SPATA32: variants seen among roughly 807,000 people sequenced by gnomAD.
SPATA32 encodes the protein spermatogenesis associated 32, also known as spermatogenesis-associated protein 32.
SPATA32 carries 28 observed loss-of-function variants against 35.4 expected under a neutral mutation model. That is an observed-to-expected ratio of 0.79 (90% confidence interval 0.59 to 1.09). The LOEUF (loss-of-function observed/expected upper bound fraction) is 1.09. SPATA32 is among the 50% of genes least tolerant of loss of function. The pLI is 0.00. For missense variants in SPATA32, 409 were observed against 475.9 expected (o/e 0.86, Z 1.31); for synonymous variants, 168 against 196.3 (o/e 0.86, Z 1.20).
rs1015484515 is a variant in SPATA32 at position 45,255,801 on chromosome 17, C to G, written c.381G>C (p.Trp127Cys). Reference protein sequence around the residue: ...GLPTPQTFRPWSLNSNCRSFT... With the variant: ...GLPTPQTFRPCSLNSNCRSFT... ...AACTCCGGCAGTTTGAATTCAGACT[C>G]CACGGTCTGAAGGTCTGTGGCGTGG... Residue 127 changes from tryptophan to cysteine, a missense_variant, in exon 4 of 5, where the codon TGG becomes TGC. Transcript: ENST00000331780. The surrounding 1 kb of genome is among the most constrained non-coding windows in gnomAD (Gnocchi z 5.4). 1.1e-5 allele frequency: 17 copies of G among 1,614,028 alleles called. No homozygotes were observed. In the African/African-American group the frequency reaches 2.1e-4, roughly 20 times the overall value.
intron 1 of SPATA32, chr17:45,260,159 C>T (rs1356566094): frequency 6.6e-6 from 1 of 151,012 alleles, no homozygotes; most frequent in Non-Finnish European, 1.5e-5. Context: ...TGGTCTCAAA[C>T]TCCTGAGCTC....
chr17:45,256,140 G>A lies in SPATA32; in HGVS notation c.109-67C>T, dbSNP rs779298728. 3.2e-5 allele frequency: 49 copies of A among 1,519,726 alleles called. 1 individual carries two copies. The Middle Eastern group carries it at 2.0e-3, about 61-fold the overall frequency. The allele number at this position is 1,519,726 out of a possible 1,614,324, so 94.1% of individuals were successfully genotyped here. A position where few individuals can be genotyped will look rare whatever the true frequency, so the allele number is the denominator to read the frequency against. The stretch of plus-strand genomic sequence containing the variant: ...GGTCCTGCCCCTGAGGCCCTCCCTG[G>A]CACCGAGTCCCTGCCCCACCCCTGC... On this transcript the variant is annotated intron_variant, in intron 3 of 4. Transcript: ENST00000331780. The surrounding 1 kb of genome is among the most constrained non-coding windows in gnomAD (Gnocchi z 4.7).
In SPATA32 at chr17:45,256,121, G is replaced by A. The variant is rs755465599; in HGVS notation, c.109-48C>T. The A allele has an allele frequency of 3.9e-6, 6 of 1,547,586 alleles. No homozygotes were observed. Among genetic ancestry groups the A allele is most frequent in the East Asian group, 2.4e-5 (1 of 41,924 alleles). On this transcript the variant is annotated intron_variant, in intron 3 of 4. Coordinates refer to ENST00000331780, the MANE Select transcript of SPATA32 (RefSeq NM_152343.3). The surrounding 1 kb of genome is among the most constrained non-coding windows in gnomAD (Gnocchi z 4.7). Reference sequence around the variant, plus strand: ...TGAGGAGGCAGGAGCGGGAGGTCCTGCCCCTGAGGCCCTCCCTGGCACCGA... The same window carrying A: ...TGAGGAGGCAGGAGCGGGAGGTCCTACCCCTGAGGCCCTCCCTGGCACCGA...
chr17:45,254,993 C>A, intron 4 of SPATA32, 122 bp downstream of exon 4: 1 of 951,960 alleles, frequency 1.1e-6, no homozygotes, highest in Admixed American at 2.5e-5. Context: ...GCGTCACAGC[C>A]CACCACATCC....
chr17:45,257,047 G>T, intron 2 of SPATA32, 106 bp downstream of exon 2: 1 of 1,332,428 alleles, frequency 7.5e-7, no homozygotes, highest in South Asian at 1.2e-5. Flanking sequence ...TTTGGAAATG[G>T]CAGAAGGGAG....
Position 45,255,464 on chromosome 17 carries a change from C to A in SPATA32, c.718G>T (p.Glu240Ter), listed in dbSNP as rs755009875. ...SDLPPPIDLTELITFASSLAM... is the reference protein window; with the variant it reads ...SDLPPPIDLT The stretch of plus-strand genomic sequence containing the variant: ...AGGGAAGATGCAAAGGTGATTAGCT[C>A]TGTCAGGTCAATGGGTGGCGGGAGA... Residue 240 changes from glutamate to a stop codon, truncating the protein, a stop_gained, in exon 4 of 5, where the codon GAG (glutamate) becomes TAG (stop). Coordinates refer to ENST00000331780, the MANE Select transcript of SPATA32 (RefSeq NM_152343.3). LOFTEE classifies it high-confidence loss of function. This position sits in a 1 kb window ranked among gnomAD's most constrained non-coding sequence, Gnocchi z 5.4. 1 of 1,614,122 alleles carries A rather than the reference C, an allele frequency of 6.2e-7. No individual in the cohort carries two copies. The highest frequency in any genetic ancestry group is 8.5e-7 in the Non-Finnish European group (1 of 1,180,040).
Position 45,262,054 on chromosome 17 carries a change from T to C in SPATA32, c.-38A>G. 2 of 1,310,512 alleles carry C rather than the reference T, an allele frequency of 1.5e-6. No homozygotes were observed. The highest frequency in any genetic ancestry group is 2.0e-6 in the Non-Finnish European group (2 of 1,021,096). The allele number at this position is 1,310,512 out of a possible 1,614,324, so 81.2% of individuals were successfully genotyped here. A position where few individuals can be genotyped will look rare whatever the true frequency, so the allele number is the denominator to read the frequency against. ...TCTGTCCTGGAGGCGGGGAGCGGGC[T>C]GGTGGATGCTGCCTCTCCGCCTCCA... On this transcript the variant is annotated 5_prime_UTR_variant, in exon 1 of 5. Coordinates refer to ENST00000331780, the MANE Select transcript of SPATA32 (RefSeq NM_152343.3).
chr17:45,258,395 T>C (rs1310050784), intron 1 of SPATA32, among the ~76,000 whole-genome samples: 2 of 152,126 alleles, frequency 1.3e-5, no homozygotes, highest in East Asian at 3.8e-4. Flanking sequence ...GCTTCTGACC[T>C]CAGGGCCTTT....
chr17:45,254,490 TTCTC>T lies in SPATA32; in HGVS notation c.1087_1090del (p.Glu363LysfsTer7). On this transcript the variant is annotated frameshift_variant, in exon 5 of 5. Transcript: ENST00000331780. LOFTEE classifies it high-confidence loss of function. The stretch of plus-strand genomic sequence containing the variant: ...GATTTTCACCAATAATGGATTCTCT[TTCTC>T]TTTTCCTGGCGGCACTGAGCTGCAA... 1 of 1,614,142 alleles carries T rather than the reference TTCTC, an allele frequency of 6.2e-7. No homozygotes were observed. The highest frequency in any genetic ancestry group is 2.2e-5 in the East Asian group (1 of 44,876).
rs772449588 is a variant in SPATA32, at chr17:45,255,093, C to G, written c.1067+22G>C. 6.2e-7 allele frequency: 1 copy of G among 1,607,870 alleles called. No individual in the cohort carries two copies. Among genetic ancestry groups the G allele is most frequent in the Admixed American group, 1.7e-5 (1 of 59,980 alleles). The stretch of plus-strand genomic sequence containing the variant: ...TTCTAGCACAGCCCCTCTATGGGAG[C>G]TGCGGGGCTGGCCTCACTCACTCTT... On this transcript the variant is annotated intron_variant, in intron 4 of 4. Coordinates refer to ENST00000331780, the MANE Select transcript of SPATA32 (RefSeq NM_152343.3). The surrounding 1 kb of genome is among the most constrained non-coding windows in gnomAD (Gnocchi z 5.4).
At position 45,262,031 on chromosome 17, in the gene SPATA32, T is replaced by C. The variant is rs755017345; in HGVS notation, c.-15A>G. Reference sequence around the variant, plus strand: ...GTCACCCCCATGCAGACCGAGGCTCTGTCCTGGAGGCGGGGAGCGGGCTGG... The same window carrying C: ...GTCACCCCCATGCAGACCGAGGCTCCGTCCTGGAGGCGGGGAGCGGGCTGG... On this transcript the variant is annotated 5_prime_UTR_variant, in exon 1 of 5. Coordinates refer to ENST00000331780, the MANE Select transcript of SPATA32 (RefSeq NM_152343.3). 1.5e-6 allele frequency: 2 copies of C among 1,311,402 alleles called. No homozygotes were observed. The highest frequency in any genetic ancestry group is 1.5e-5 in the African/African-American group (1 of 66,390). The allele number at this position is 1,311,402 out of a possible 1,614,324, so 81.2% of individuals were successfully genotyped here.
Position 45,257,163 on chromosome 17 carries a change from C to G in SPATA32, c.58G>C (p.Ala20Pro), listed in dbSNP as rs749179001. 1 of 1,612,620 alleles carries G rather than the reference C, an allele frequency of 6.2e-7. No homozygotes were observed. The highest frequency in any genetic ancestry group is 1.1e-5 in the South Asian group (1 of 90,842). Residue 20 changes from alanine to proline, a missense_variant, in exon 2 of 5, where the codon GCA becomes CCA. Coordinates refer to ENST00000331780, the MANE Select transcript of SPATA32 (RefSeq NM_152343.3). Reference protein sequence around the residue: ...PCCGKGSVEVAEMRDDLSQHQ... With the variant: ...PCCGKGSVEVPEMRDDLSQHQ... ...GAGGATGGTTCTCACCGCATCTCTGCAACCTCCACTGACCCTTTGCCGCAG... is the reference window on the plus strand; with the variant it reads ...GAGGATGGTTCTCACCGCATCTCTGGAACCTCCACTGACCCTTTGCCGCAG...
In SPATA32 at chr17:45,255,523, C is replaced by T. The variant is rs574415071; in HGVS notation, c.659G>A (p.Ser220Asn). The change falls in exon 4 of 5, where the codon AGC becomes AAC. Residue 220 changes from serine to asparagine, a missense_variant. Coordinates refer to ENST00000331780, the MANE Select transcript of SPATA32 (RefSeq NM_152343.3). This position sits in a 1 kb window ranked among gnomAD's most constrained non-coding sequence, Gnocchi z 5.4. ...CAGGAGGGGGCTTGGTGCCTGGGAG[C>T]TTGTGGTTGGAGGAGCTGAGTGGGC... ...PDAHSAPPTT[S>N]SQAPSPLLSS... The T allele has an allele frequency of 1.9e-6, 3 of 1,614,052 alleles. No homozygotes were observed. Among genetic ancestry groups the T allele is most frequent in the Admixed American group, 3.3e-5 (2 of 59,998 alleles).
intron 1 of SPATA32, among the ~76,000 whole-genome samples, chr17:45,261,340 C>T (rs1434523238): frequency 1.3e-5 from 2 of 152,196 alleles, no homozygotes; most frequent in Non-Finnish European, 2.9e-5. Flanking sequence ...CCACCTCTGC[C>T]TCCCGAAGTG....
chr17:45,258,911 C>T (rs1001323360), intron 1 of SPATA32, among the ~76,000 whole-genome samples: 5 of 152,198 alleles, frequency 3.3e-5, no homozygotes, highest in Non-Finnish European at 7.3e-5. Flanking sequence ...GCTGGGATTA[C>T]AGGCATGAGC....
intron 1 of SPATA32, chr17:45,261,760 C>T: frequency 2.5e-6 from 1 of 404,330 alleles, no homozygotes; most frequent in Non-Finnish European, 4.3e-6. Context: ...CTCCAAGGCG[C>T]GCATGCGTGT....
Position 45,260,894 on chromosome 17 carries a change from AC to A in SPATA32, c.13+1109del, listed in dbSNP as rs1388565113. 3 of 152,154 alleles carry A rather than the reference AC, an allele frequency of 2.0e-5. No individual in the cohort carries two copies. The East Asian group carries it at 5.8e-4, about 29-fold the overall frequency. 9.4% of individuals were successfully genotyped at this position (152,154 alleles called of 1,614,324 possible). Reference sequence around the variant, plus strand: ...CTGTCCCTCACCCTAAGCCGAAGCTACCCCCAGAGTACCGCAGGCCTTTCTG... The same window carrying A: ...CTGTCCCTCACCCTAAGCCGAAGCTACCCCAGAGTACCGCAGGCCTTTCTG... On this transcript the variant is annotated intron_variant, in intron 1 of 4. Transcript: ENST00000331780.
intron 1 of SPATA32, among the ~76,000 whole-genome samples, chr17:45,259,403 T>C (rs4792836): frequency 0.79 from 119,719 of 152,112 alleles, 47,608 homozygotes; most frequent in African/African-American, 0.9. Context: ...GATGATCATA[T>C]GGTTTTTCTT....
rs193016662 is a variant in SPATA32, at chr17:45,257,920, A to G, written c.14-713T>C. 6.6e-5 allele frequency among the ~76,000 whole-genome samples: 10 copies of G among 152,306 alleles called. No homozygotes were observed. In the East Asian group the frequency reaches 1.7e-3, roughly 26 times the overall value. ...CCCAAACCCCTCCCTGGAGGCTTGT[A>G]TCTTTTACTGCAGAAGCTGTTTCTT... is the stretch of plus-strand genomic sequence containing the variant. On this transcript the variant is annotated intron_variant, in intron 1 of 4. Transcript: ENST00000331780.
Sources: gnomAD v4.1 joint callset for allele counts (sites outside exome capture counted in the v4.1 genomes callset) on GRCh38, gnomAD v4.1.1 for gene constraint, Gnocchi (gnomAD v3.1) non-coding constraint, MANE v1.5 for transcripts, NCBI Gene and HGNC (gene_info 2026-07-23, HGNC 2026-07-21) for gene names.